The following PRKG1 variants were observed in gnomAD, a reference collection of about 807,000 sequenced individuals.
PRKG1 encodes protein kinase cGMP-dependent 1.
Under a neutral mutation model 88.1 loss-of-function variants are expected in PRKG1, and 35 were observed. The observed-to-expected ratio is 0.40, with a 90% CI of 0.30 to 0.53. The LOEUF (loss-of-function observed/expected upper bound fraction) is 0.53. PRKG1 is among the 20% of genes least tolerant of loss of function. PRKG1 has a pLI of 0.59. For synonymous variants in PRKG1, 303 were observed against 292.5 expected, an observed-to-expected ratio of 1.04 and a Z score of -0.37; for missense variants, 540 against 839.8, an observed-to-expected ratio of 0.64 and a Z score of 4.41.
At chr10:51,579,611 G>C (rs1015499724) in intron 3 of PRKG1, among the ~76,000 whole-genome samples, 2 of 152,078 alleles carry the variant, frequency 1.3e-5, no homozygotes, top group African/African-American at 4.8e-5. Flanking sequence ...AAATGGAAGA[G>C]AAAAAGCCAA....
intron 2 of PRKG1, among the ~76,000 whole-genome samples, chr10:51,254,739 T>A (rs1466712356): frequency 6.6e-6 from 1 of 152,038 alleles, no homozygotes; most frequent in African/African-American, 2.4e-5. Context: ...ATTTATTTCT[T>A]TAGACTGAAA....
chr10:52,211,249 C>A (rs1198544467), intron 9 of PRKG1, among the ~76,000 whole-genome samples: 2 of 152,146 alleles, frequency 1.3e-5, no homozygotes, highest in South Asian at 2.1e-4. Flanking sequence ...TTCATGTTGA[C>A]CCTGATGCAC....
chr10:51,810,638 A>G (rs1839429714), intron 4 of PRKG1, among the ~76,000 whole-genome samples: 1 of 152,200 alleles, frequency 6.6e-6, no homozygotes. Flanking sequence ...TTGTATATAT[A>G]TCCAACATAT....
intron 3 of PRKG1, among the ~76,000 whole-genome samples, chr10:51,505,769 T>G (rs1189270084): frequency 3.9e-5 from 6 of 152,186 alleles, no homozygotes; most frequent in African/African-American, 1.2e-4. Context: ...GAGGTGTTTA[T>G]AGTATTCTCT....
intron 1 of PRKG1, among the ~76,000 whole-genome samples, chr10:51,061,177 A>C (rs2132783360): frequency 6.6e-6 from 1 of 152,166 alleles, no homozygotes; most frequent in South Asian, 2.1e-4. Flanking sequence ...ACAGTTCCAC[A>C]TGGGTGGAGA....
At chr10:51,088,174 T>A (rs143834183) in intron 1 of PRKG1, among the ~76,000 whole-genome samples, 1 of 152,356 alleles carries the variant, frequency 6.6e-6, no homozygotes, top group African/African-American at 2.4e-5. Context: ...TGTTTGTTTT[T>A]AGTTTAAAAT....
At chr10:52,293,363 T>C (rs1244034254) in intron 17 of PRKG1, among the ~76,000 whole-genome samples, 10 of 151,188 alleles carry the variant, frequency 6.6e-5, no homozygotes, top group African/African-American at 9.8e-5. Context: ...TTCAATGCCA[T>C]CCCCATCAAG....
At chr10:51,657,401 T>C (rs777628980) in intron 3 of PRKG1, among the ~76,000 whole-genome samples, 25 of 152,154 alleles carry the variant, frequency 1.6e-4, no homozygotes, top group Middle Eastern at 6.8e-3. Context: ...AAATTTGGGG[T>C]CATGGAATAA....
chr10:51,182,044 G>T (rs778843562), intron 2 of PRKG1, among the ~76,000 whole-genome samples: 1 of 152,200 alleles, frequency 6.6e-6, no homozygotes, highest in African/African-American at 2.4e-5. Flanking sequence ...AATTTCCCAT[G>T]ACTGTATGCA....
chr10:52,273,845 G>A (rs1317083426), intron 12 of PRKG1, among the ~76,000 whole-genome samples: 1 of 152,096 alleles, frequency 6.6e-6, no homozygotes, highest in Non-Finnish European at 1.5e-5. Context: ...CATTGTGATA[G>A]AGGCTGGGGA....
At chr10:51,832,337 A>G (rs1782080274) in intron 4 of PRKG1, among the ~76,000 whole-genome samples, 1 of 152,226 alleles carries the variant, frequency 6.6e-6, no homozygotes, top group Non-Finnish European at 1.5e-5. Context: ...TGCCAGGTGC[A>G]TATAGCATGT....
chr10:51,104,763 C>T (rs1316258354), intron 1 of PRKG1, among the ~76,000 whole-genome samples: 1 of 144,058 alleles, frequency 6.9e-6, no homozygotes, highest in South Asian at 2.2e-4. Context: ...GAGTTTTGCT[C>T]TTGTTGCCCA....
At chr10:51,852,331 C>T (rs1564675464) in intron 4 of PRKG1, among the ~76,000 whole-genome samples, 1 of 148,584 alleles carries the variant, frequency 6.7e-6, no homozygotes, top group Admixed American at 6.7e-5. Flanking sequence ...TATATATATA[C>T]ATATACACAC....
chr10:51,296,206 T>C (rs74133564), intron 2 of PRKG1, among the ~76,000 whole-genome samples: 6,402 of 152,206 alleles, frequency 0.042, 420 homozygotes, highest in African/African-American at 0.14. Context: ...CTGGAAGTGA[T>C]TCCTCCTATT....
rs546990514 is a variant in PRKG1 at position 52,282,425 on chromosome 10, T to A, written c.1709+109T>A. 36 of 1,096,872 alleles carry A rather than the reference T, an allele frequency of 3.3e-5. No homozygotes were observed. The African/African-American group carries it at 5.2e-4, about 16-fold the overall frequency. The allele number at this position is 1,096,872 out of a possible 1,614,324, so 67.9% of individuals were successfully genotyped here. A position where few individuals can be genotyped will look rare whatever the true frequency, so the allele number is the denominator to read the frequency against. On this transcript the variant is annotated intron_variant, in intron 14 of 17. Coordinates refer to ENST00000373980, the MANE Select transcript of PRKG1 (RefSeq NM_006258.4). ...ATCTTAAAGTACTTTTCACCATATC[T>A]TGGTACCACAGTTTAATTAGTTATA...
At chr10:51,671,025 A>G (rs571231159) in intron 3 of PRKG1, among the ~76,000 whole-genome samples, 17 of 151,960 alleles carry the variant, frequency 1.1e-4, no homozygotes, top group Admixed American at 4.6e-4. Flanking sequence ...TTTTGTCACC[A>G]TTTTATCTTA....
At chr10:51,315,289 G>A (rs1693654550) in intron 2 of PRKG1, among the ~76,000 whole-genome samples, 2 of 152,174 alleles carry the variant, frequency 1.3e-5, no homozygotes, top group Admixed American at 1.3e-4. Context: ...CTTTAGAAGT[G>A]TAATGAGTTT....
intron 4 of PRKG1, among the ~76,000 whole-genome samples, chr10:51,838,364 C>T (rs762653594): frequency 1.3e-5 from 2 of 152,096 alleles, no homozygotes; most frequent in Non-Finnish European, 2.9e-5. Context: ...TGTTCTTTCA[C>T]ATTTGTGCTA....
intron 1 of PRKG1, among the ~76,000 whole-genome samples, chr10:51,020,148 A>C (rs1479839354): frequency 6.6e-6 from 1 of 152,228 alleles, no homozygotes. Context: ...CTACTTTTAC[A>C]TGCTAGGCTA....
Sources: allele counts gnomAD v4.1 joint callset (sites outside exome capture counted in the v4.1 genomes callset), GRCh38; gene constraint gnomAD v4.1.1; transcripts MANE v1.5; gene names NCBI Gene and HGNC (gene_info 2026-07-23, HGNC 2026-07-21).